The following ZDHHC3 variants were observed in gnomAD, a reference collection of about 807,000 sequenced individuals.
ZDHHC3 encodes palmitoyltransferase ZDHHC3.
Under a neutral mutation model 30.6 loss-of-function variants are expected in ZDHHC3, and 9 were observed. The ratio of observed to expected loss-of-function variants is 0.29; its 90% CI spans 0.18 to 0.51. The LOEUF is 0.51. ZDHHC3 is among the 20% of genes least tolerant of loss of function. The pLI, the probability that ZDHHC3 is intolerant of heterozygous loss-of-function variation, is 0.97. For missense variants in ZDHHC3, 246 were observed against 384.2 expected, an observed-to-expected ratio of 0.64 and a Z score of 3.01; for synonymous variants, 136 against 140.2, an observed-to-expected ratio of 0.97 and a Z score of 0.21.
intron 1 of ZDHHC3, among the ~76,000 whole-genome samples, chr3:44,973,393 T>C (rs1396628943): frequency 1.3e-5 from 2 of 152,202 alleles, no homozygotes; most frequent in African/African-American, 4.8e-5. Context: ...CATTTCCCAA[T>C]CTGTAAAATA....
intron 2 of ZDHHC3, among the ~76,000 whole-genome samples, chr3:44,948,101 G>C (rs960239065): frequency 6.6e-6 from 1 of 152,196 alleles, no homozygotes; most frequent in Non-Finnish European, 1.5e-5. Context: ...AATCAGGGAA[G>C]TCAGTGTAAC....
chr3:44,923,169 G>A lies in ZDHHC3; in HGVS notation c.*3520C>T, dbSNP rs1441883290. The A allele has an allele frequency of 3.4e-6, 3 of 889,478 alleles. No individual in the cohort carries two copies. Among genetic ancestry groups the A allele is most frequent in the African/African-American group, 1.8e-5 (1 of 54,832 alleles). 55.1% of individuals were successfully genotyped at this position (889,478 alleles called of 1,614,324 possible). A position where few individuals can be genotyped will look rare whatever the true frequency, so the allele number is the denominator to read the frequency against. ...TGGCTCACTGCAAGCTCCACTTCCC[G>A]GGTTCACGCCATTCTCCTGCCTCAG... On this transcript the variant is annotated 3_prime_UTR_variant, in exon 7 of 7. Transcript: ENST00000424952.
chr3:44,967,133 C>G (rs1705025319), intron 1 of ZDHHC3, among the ~76,000 whole-genome samples: 1 of 152,188 alleles, frequency 6.6e-6, no homozygotes, highest in Non-Finnish European at 1.5e-5. Flanking sequence ...CAAGCCAAAC[C>G]TTACACATAT....
intron 5 of ZDHHC3, among the ~76,000 whole-genome samples, chr3:44,930,145 GGCCAGTCCT>G (rs760334848): frequency 1.3e-5 from 2 of 152,264 alleles, no homozygotes; most frequent in African/African-American, 2.4e-5. Flanking sequence ...GGGGACCTGA[GGCCAGTCCT>G]GCCATCTTCA....
intron 1 of ZDHHC3, among the ~76,000 whole-genome samples, chr3:44,970,197 G>A (rs1705295119): frequency 6.6e-6 from 1 of 152,188 alleles, no homozygotes; most frequent in Non-Finnish European, 1.5e-5. Context: ...CTTATTCCAG[G>A]CACTGTAAGT....
intron 3 of ZDHHC3, among the ~76,000 whole-genome samples, chr3:44,941,516 C>T (rs1702438150): frequency 1.3e-5 from 2 of 152,134 alleles, no homozygotes; most frequent in African/African-American, 2.4e-5. Context: ...GTAATCATAA[C>T]CATGAGAAAG....
chr3:44,967,460 G>A (rs1200563446), intron 1 of ZDHHC3, among the ~76,000 whole-genome samples: 1 of 152,166 alleles, frequency 6.6e-6, no homozygotes, highest in East Asian at 1.9e-4. Context: ...GAGGCAAGAG[G>A]ATCACTGGAG....
In ZDHHC3 at chr3:44,948,963, A is replaced by G. The variant is rs552298304; in HGVS notation, c.307-3671T>C. Among the ~76,000 whole-genome samples the G allele has an allele frequency of 1.2e-4, 19 of 152,372 alleles. No individual in the cohort carries two copies. The South Asian group carries it at 3.9e-3, about 32-fold the overall frequency. On this transcript the variant is annotated intron_variant, in intron 2 of 6. Coordinates refer to ENST00000424952, the MANE Select transcript of ZDHHC3 (RefSeq NM_001135179.2). ...ACAAGGAGCAGGAGACAAGGAGGCA[A>G]TGAGAAAGTCTGAAGGAACACTTGT...
intron 2 of ZDHHC3, among the ~76,000 whole-genome samples, chr3:44,952,289 T>C (rs935806279): frequency 7.2e-5 from 11 of 151,982 alleles, no homozygotes; most frequent in Non-Finnish European, 1.3e-4. Context: ...TGCCTCAGAC[T>C]GTGCCTTGAA....
intron 1 of ZDHHC3, among the ~76,000 whole-genome samples, chr3:44,964,715 C>T (rs955706453): frequency 6.6e-6 from 1 of 152,088 alleles, no homozygotes; most frequent in African/African-American, 2.4e-5. Flanking sequence ...GGGCAACAGG[C>T]CTGAGTCTCA....
At position 44,917,697 on chromosome 3, in the gene ZDHHC3, T is replaced by C; in HGVS notation, c.*8992A>G. 1 of 458,732 alleles carries C rather than the reference T, an allele frequency of 2.2e-6. No homozygotes were observed. The highest frequency in any genetic ancestry group is 2.0e-5 in the South Asian group (1 of 49,562). 28.4% of individuals were successfully genotyped at this position (458,732 alleles called of 1,614,324 possible). Reference sequence around the variant, plus strand: ...AGAAAGCCCCCATCCTCCTCTGATGTCCCCAGCCTACTCCCGACCCCCAGA... The same window carrying C: ...AGAAAGCCCCCATCCTCCTCTGATGCCCCCAGCCTACTCCCGACCCCCAGA... On this transcript the variant is annotated 3_prime_UTR_variant, in exon 7 of 7. Transcript: ENST00000424952.
At chr3:44,970,280 A>G (rs192501850) in intron 1 of ZDHHC3, among the ~76,000 whole-genome samples, 8 of 152,350 alleles carry the variant, frequency 5.3e-5, no homozygotes, top group Non-Finnish European at 1.0e-4. Flanking sequence ...TGTGAGAAAG[A>G]GAACACAGCC....
chr3:44,918,014 C>G lies in ZDHHC3; in HGVS notation c.*8675G>C. The G allele has an allele frequency of 7.7e-7, 1 of 1,305,478 alleles. No individual in the cohort carries two copies. Among genetic ancestry groups the G allele is most frequent in the Non-Finnish European group, 1.0e-6 (1 of 988,972 alleles). The allele number at this position is 1,305,478 out of a possible 1,614,324, so 80.9% of individuals were successfully genotyped here. ...ACCATGTCTTTGTCACTGGGGATCT[C>G]TGGCTGACACGGTCTGGAGAAGGGG... On this transcript the variant is annotated 3_prime_UTR_variant, in exon 7 of 7. Coordinates refer to ENST00000424952, the MANE Select transcript of ZDHHC3 (RefSeq NM_001135179.2).
Position 44,919,954 on chromosome 3 carries a change from A to G in ZDHHC3, c.*6735T>C. The G allele has an allele frequency of 9.6e-7, 1 of 1,045,068 alleles. No individual in the cohort carries two copies. The highest frequency in any genetic ancestry group is 1.2e-6 in the Non-Finnish European group (1 of 861,826). The allele number at this position is 1,045,068 out of a possible 1,614,324, so 64.7% of individuals were successfully genotyped here. A position where few individuals can be genotyped will look rare whatever the true frequency, so the allele number is the denominator to read the frequency against. On this transcript the variant is annotated 3_prime_UTR_variant, in exon 7 of 7. Coordinates refer to ENST00000424952, the MANE Select transcript of ZDHHC3 (RefSeq NM_001135179.2). The stretch of plus-strand genomic sequence containing the variant: ...GAGAAATGCCCAATAATGATGGTTA[A>G]GCAAATGATTCTATAACACTATGCA...
Position 44,920,044 on chromosome 3 carries a change from T to C in ZDHHC3, c.*6645A>G, listed in dbSNP as rs932500666. On this transcript the variant is annotated 3_prime_UTR_variant, in exon 7 of 7. Transcript: ENST00000424952. ...GAACATTTGTCTGAGTGGTTACTTT[T>C]GGGGATGGAATTCTAGAGGATTTGT... is the stretch of plus-strand genomic sequence containing the variant. 4.2e-6 allele frequency: 5 copies of C among 1,176,798 alleles called. No homozygotes were observed. Among genetic ancestry groups the C allele is most frequent in the African/African-American group, 3.2e-5 (2 of 62,474 alleles). The allele number at this position is 1,176,798 out of a possible 1,614,324, so 72.9% of individuals were successfully genotyped here.
Position 44,916,677 on chromosome 3 carries a change from C to T in ZDHHC3, c.*10012G>A, listed in dbSNP as rs563105789. The T allele has an allele frequency of 8.5e-5, 13 of 152,236 alleles. No homozygotes were observed. The highest frequency in any genetic ancestry group is 8.5e-4 in the Admixed American group (13 of 15,290). 9.4% of individuals were successfully genotyped at this position (152,236 alleles called of 1,614,324 possible). On this transcript the variant is annotated 3_prime_UTR_variant, in exon 7 of 7. Transcript: ENST00000424952. ...TCTTATACCAAACGGGGATAAGAAC[C>T]CTTCTGTTGGGCTTTGTGCAGAAGA...
chr3:44,934,862 A>C (rs557376566), intron 3 of ZDHHC3, among the ~76,000 whole-genome samples: 45 of 149,176 alleles, frequency 3.0e-4, no homozygotes, highest in Non-Finnish European at 5.9e-4. Context: ...ACTGCACCCT[A>C]GCCTGGACAA....
chr3:44,928,128 T>C (rs1701163483), intron 6 of ZDHHC3, among the ~76,000 whole-genome samples: 1 of 152,180 alleles, frequency 6.6e-6, no homozygotes, highest in African/African-American at 2.4e-5. Context: ...CGTAGAGAAG[T>C]TGGTCACGGT....
rs1433730050 is a variant in ZDHHC3 at position 44,920,514 on chromosome 3, TTGA to T, written c.*6172_*6174del. On this transcript the variant is annotated 3_prime_UTR_variant, in exon 7 of 7. Coordinates refer to ENST00000424952, the MANE Select transcript of ZDHHC3 (RefSeq NM_001135179.2). The stretch of plus-strand genomic sequence containing the variant: ...CCTTGTGAGGAGGTGGGTATGAGTA[TTGA>T]TGATTGGCAGATGGGGAAGAAACAG... The T allele has an allele frequency of 1.0e-6, 1 of 985,304 alleles. No homozygotes were observed. Among genetic ancestry groups the T allele is most frequent in the Non-Finnish European group, 1.2e-6 (1 of 829,938 alleles). 61.0% of individuals were successfully genotyped at this position (985,304 alleles called of 1,614,324 possible). A position where few individuals can be genotyped will look rare whatever the true frequency, so the allele number is the denominator to read the frequency against.
Sources: allele counts gnomAD v4.1 joint callset (sites outside exome capture counted in the v4.1 genomes callset), GRCh38; gene constraint gnomAD v4.1.1; transcripts MANE v1.5; gene names NCBI Gene and HGNC (gene_info 2026-07-23, HGNC 2026-07-21).